Variants in WDR44 observed in about 807,000 individuals in gnomAD.
The protein encoded by WDR44 is WD repeat-containing protein 44.
A neutral mutation model predicts 65.7 loss-of-function variants in WDR44; 9 were observed. The ratio of observed to expected loss-of-function variants is 0.14; its 90% CI spans 0.08 to 0.24. WDR44 has a LOEUF of 0.24. Ranked by LOEUF, WDR44 falls within the 10% of genes least tolerant of loss-of-function variation. The pLI is 1.00. For synonymous variants in WDR44, 220 were observed against 235.2 expected, an observed-to-expected ratio of 0.94 and a Z score of 0.59; for missense variants, 425 against 670.9, an observed-to-expected ratio of 0.63 and a Z score of 4.05.
At chrX:118,448,672 G>C (rs2057367911) in intron 19 of WDR44, among the ~76,000 whole-genome samples, 1 of 111,373 alleles carries the variant, frequency 9.0e-6, no homozygotes, top group African/African-American at 3.3e-5. Context: ...TCAAGCCAGG[G>C]AAAGACCAGC....
At chrX:118,413,418 A>G (rs1172998529) in intron 12 of WDR44, among the ~76,000 whole-genome samples, 1 of 111,866 alleles carries the variant, frequency 8.9e-6, no homozygotes, top group African/African-American at 3.3e-5. Context: ...CGAGGTTTTG[A>G]TTTACATTTC....
chrX:118,417,821 A>G (rs1407798926), intron 12 of WDR44, among the ~76,000 whole-genome samples: 1 of 111,945 alleles, frequency 8.9e-6, no homozygotes. Flanking sequence ...AACATCAGTT[A>G]TTCTTAGGTT....
At position 118,409,577 on chromosome X, in the gene WDR44, A is replaced by G; in HGVS notation, c.1622A>G (p.Lys541Arg). ...QDNVVRIWAL[K>R]NAFDYFNNMR... ...AATGTAGTGAGAATATGGGCTTTAA[A>G]AAATGCTTTTGACTATTTCAACAAT... The change falls in exon 11 of 20, where the codon AAA becomes AGA. Residue 541 changes from lysine to arginine, a missense_variant. By Grantham distance (26) the Lys-to-Arg change is conservative (BLOSUM62 2). This residue lies in a region of WDR44 where 45 missense variants were observed against 50.0 expected (regional missense o/e 0.90). Transcript: ENST00000254029. 8.3e-7 allele frequency: 1 copy of G among 1,208,199 alleles called. No homozygotes were observed. Among genetic ancestry groups the G allele is most frequent in the Non-Finnish European group, 1.1e-6 (1 of 893,692 alleles).
At position 118,444,353 on chromosome X, in the gene WDR44, T is replaced by G; in HGVS notation, c.2513-7T>G. On this transcript the variant is annotated splice_region_variant and splice_polypyrimidine_tract_variant and intron_variant, in intron 18 of 19. Transcript: ENST00000254029. ...GTCAGTTATCCTGAAGTAAATTTTT[T>G]CCACAGCCCACAATGCAGTTGTTAC... The G allele has an allele frequency of 1.7e-6, 2 of 1,201,458 alleles. No homozygotes were observed. Among genetic ancestry groups the G allele is most frequent in the Non-Finnish European group, 2.2e-6 (2 of 889,291 alleles).
At chrX:118,397,258 C>A in intron 7 of WDR44, 152 bp downstream of exon 7, 1 of 431,933 alleles carries the variant, frequency 2.3e-6, no homozygotes, top group Non-Finnish European at 3.6e-6. Flanking sequence ...TATTCTTTAA[C>A]TTTGCTCTTC....
chrX:118,435,436 G>T (rs190388632), intron 13 of WDR44, among the ~76,000 whole-genome samples: 1 of 104,699 alleles, frequency 9.6e-6, no homozygotes, highest in Non-Finnish European at 1.9e-5. Flanking sequence ...GGGCCACCAC[G>T]CCCAGCTAAT....
At chrX:118,444,746 T>A (rs920971426) in intron 19 of WDR44, among the ~76,000 whole-genome samples, 1 of 110,829 alleles carries the variant, frequency 9.0e-6, no homozygotes, top group Admixed American at 9.6e-5. Context: ...ACTATGGGCC[T>A]ACACCACCAT....
intron 1 of WDR44, among the ~76,000 whole-genome samples, chrX:118,371,281 A>G (rs1273491902): frequency 8.9e-6 from 1 of 111,881 alleles, no homozygotes; most frequent in Non-Finnish European, 1.9e-5. Context: ...GTAGAATGGT[A>G]GTTTCCGGGG....
Position 118,431,514 on chromosome X carries a change from G to A in WDR44, c.1738-1267G>A, listed in dbSNP as rs1271822095. ...GACGGAGTTTCTCCATGTTGGTCAGGCTGATCTTGAACTACCGACCTCAGG... is the reference window on the plus strand; with the variant it reads ...GACGGAGTTTCTCCATGTTGGTCAGACTGATCTTGAACTACCGACCTCAGG... On this transcript the variant is annotated intron_variant, in intron 12 of 19. Transcript: ENST00000254029. Among the ~76,000 whole-genome samples, 3 of 111,099 alleles carry A rather than the reference G, an allele frequency of 2.7e-5. No individual in the cohort carries two copies. In the East Asian group the frequency reaches 8.5e-4, roughly 31 times the overall value.
intron 1 of WDR44, among the ~76,000 whole-genome samples, chrX:118,352,284 G>A (rs2056412510): frequency 1.2e-5 from 1 of 82,176 alleles, no homozygotes; most frequent in Non-Finnish European, 2.3e-5. Context: ...CAAGTAGCTG[G>A]GACCACATAT....
chrX:118,426,165 G>A (rs896672004), intron 12 of WDR44, among the ~76,000 whole-genome samples: 2 of 111,611 alleles, frequency 1.8e-5, no homozygotes, highest in Non-Finnish European at 3.8e-5. Flanking sequence ...AGAATGGCAC[G>A]GTAATCATAT....
At chrX:118,429,011 A>G (rs2057183465) in intron 12 of WDR44, among the ~76,000 whole-genome samples, 1 of 110,491 alleles carries the variant, frequency 9.1e-6, no homozygotes, top group African/African-American at 3.3e-5. Flanking sequence ...ATGAGAACAC[A>G]TGGACACAGG....
intron 12 of WDR44, among the ~76,000 whole-genome samples, chrX:118,418,331 A>G (rs181796118): frequency 1.3e-4 from 15 of 111,631 alleles, no homozygotes; most frequent in African/African-American, 4.9e-4. Flanking sequence ...GTCAGAGTCT[A>G]GGGCTGAAGG....
intron 1 of WDR44, among the ~76,000 whole-genome samples, chrX:118,367,592 A>T (rs1167205907): frequency 1.8e-5 from 2 of 111,894 alleles, no homozygotes; most frequent in East Asian, 5.6e-4. Flanking sequence ...GAACCAGCAA[A>T]GAAACTTGGG....
intron 14 of WDR44, among the ~76,000 whole-genome samples, chrX:118,438,697 G>A (rs1392252729): frequency 9.1e-6 from 1 of 110,210 alleles, no homozygotes; most frequent in Non-Finnish European, 1.9e-5. Context: ...TGCCCACCTC[G>A]GCCTCCCAAA....
At chrX:118,352,350 ATATTTTTTTTTT>A (rs1292901536) in intron 1 of WDR44, among the ~76,000 whole-genome samples, 1 of 20,308 alleles carries the variant, frequency 4.9e-5, no homozygotes, top group African/African-American at 4.1e-4. Context: ...ATATATATAT[ATATTTTTTTTTT>A]TTTTTTTTTT....
intron 1 of WDR44, among the ~76,000 whole-genome samples, chrX:118,362,811 G>A (rs1365631868): frequency 9.3e-6 from 1 of 107,249 alleles, no homozygotes; most frequent in African/African-American, 3.4e-5. Context: ...TAAAGTACAA[G>A]ACACTCAGTT....
At chrX:118,352,375 TAGAGATGGGG>T (rs2056422770) in intron 1 of WDR44, among the ~76,000 whole-genome samples, 25 of 35,425 alleles carry the variant, frequency 7.1e-4, no homozygotes, top group African/African-American at 1.2e-3. Flanking sequence ...TTTTTTTTTG[TAGAGATGGGG>T]TTTCACCATG....
chrX:118,404,271 AC>A, intron 8 of WDR44, 66 bp from the exon 9 acceptor site: 1 of 788,939 alleles, frequency 1.3e-6, no homozygotes, highest in Non-Finnish European at 1.9e-6. Context: ...CACAGCTGAT[AC>A]ATTTGTCTGC....
Sources: allele counts gnomAD v4.1 joint callset (sites outside exome capture counted in the v4.1 genomes callset), GRCh38; gene constraint gnomAD v4.1.1; regional missense constraint gnomAD v4.1.1; transcripts MANE v1.5; gene names NCBI Gene and HGNC (gene_info 2026-07-23, HGNC 2026-07-21).